PTPRG: variants seen among roughly 807,000 people sequenced by gnomAD.
PTPRG encodes the protein protein tyrosine phosphatase receptor type G.
Under a neutral mutation model 165.3 loss-of-function variants are expected in PTPRG, and 102 were observed. The observed-to-expected ratio is 0.62, with a 90% CI of 0.53 to 0.73. The LOEUF is 0.73. Among genes scored for constraint, PTPRG ranks in the 30% least tolerant of loss-of-function variants. The pLI is 0.00. For missense variants in PTPRG, 1,866 were observed against 1,861.4 expected (o/e 1.00, Z -0.05); for synonymous variants, 675 against 669.5 (o/e 1.01, Z -0.13).
intron 2 of PTPRG, among the ~76,000 whole-genome samples, chr3:61,954,937 T>A (rs2039998020): frequency 6.6e-6 from 1 of 152,212 alleles, no homozygotes; most frequent in Non-Finnish European, 1.5e-5. Flanking sequence ...CAACATGTCC[T>A]GAGCAAGATG....
chr3:61,575,433 A>G (rs1211584077), intron 1 of PTPRG, among the ~76,000 whole-genome samples: 2 of 152,104 alleles, frequency 1.3e-5, no homozygotes, highest in East Asian at 3.9e-4. Flanking sequence ...CAGGTACCAG[A>G]GTGAATCCTA....
chr3:61,994,599 A>G (rs541040859), intron 3 of PTPRG, among the ~76,000 whole-genome samples: 3 of 152,340 alleles, frequency 2.0e-5, no homozygotes, highest in African/African-American at 7.2e-5. Context: ...CTGAGCCCAT[A>G]AAAGTAAGGC....
intron 27 of PTPRG, among the ~76,000 whole-genome samples, chr3:62,282,149 A>G (rs1040464185): frequency 6.6e-6 from 1 of 152,036 alleles, no homozygotes; most frequent in East Asian, 1.9e-4. Context: ...AATTTTATAA[A>G]TAAGAAAATA....
intron 28 of PTPRG, among the ~76,000 whole-genome samples, chr3:62,289,176 A>T (rs1359297591): frequency 6.6e-6 from 1 of 152,072 alleles, no homozygotes; most frequent in Non-Finnish European, 1.5e-5. Flanking sequence ...ATTCAACCTC[A>T]GAATGTGCCT....
At chr3:61,683,754 T>C (rs1452632738) in intron 1 of PTPRG, among the ~76,000 whole-genome samples, 5 of 152,204 alleles carry the variant, frequency 3.3e-5, no homozygotes, top group African/African-American at 4.8e-5. Context: ...TTGAAAAACA[T>C]TGGTGAAAGA....
At chr3:61,965,487 C>CCA (rs2040250624) in intron 2 of PTPRG, among the ~76,000 whole-genome samples, 1 of 80,204 alleles carries the variant, frequency 1.2e-5, no homozygotes, top group African/African-American at 4.8e-5. Flanking sequence ...GACTCCGTCT[C>CCA]AAAAAAAAAA....
chr3:62,003,987 G>T (rs921781949), intron 4 of PTPRG, among the ~76,000 whole-genome samples: 9 of 152,224 alleles, frequency 5.9e-5, no homozygotes, highest in African/African-American at 2.2e-4. Context: ...ATTTTGTTAG[G>T]ATTGATGGTG....
At chr3:62,004,712 C>T (rs1443947986) in intron 4 of PTPRG, among the ~76,000 whole-genome samples, 1 of 152,204 alleles carries the variant, frequency 6.6e-6, no homozygotes, top group African/African-American at 2.4e-5. Context: ...CCTGGTGTTT[C>T]AGTAACAGTT....
chr3:61,902,305 T>G (rs1269525188), intron 2 of PTPRG, among the ~76,000 whole-genome samples: 2 of 152,200 alleles, frequency 1.3e-5, no homozygotes, highest in African/African-American at 2.4e-5. Context: ...TGAGAGCTAC[T>G]TTCCATTGTA....
chr3:61,621,051 A>ATATATATATATGTGTGTG, intron 1 of PTPRG, among the ~76,000 whole-genome samples: 5 of 117,990 alleles, frequency 4.2e-5, no homozygotes, highest in African/African-American at 8.9e-5. Flanking sequence ...ATATATATAT[A>ATATATATATATGTGTGTG]TGTGTGTGTG....
chr3:61,944,007 G>T (rs2039694157), intron 2 of PTPRG, among the ~76,000 whole-genome samples: 1 of 152,050 alleles, frequency 6.6e-6, no homozygotes, highest in African/African-American at 2.4e-5. Flanking sequence ...TATTGAGCAG[G>T]TGCTATATGC....
chr3:62,166,372 C>T (rs896801540), intron 7 of PTPRG, among the ~76,000 whole-genome samples: 23 of 150,940 alleles, frequency 1.5e-4, no homozygotes, highest in African/African-American at 4.9e-4. Flanking sequence ...AGTCTCATTC[C>T]ATCACCCAGG....
At chr3:62,122,629 A>T (rs896987872) in intron 5 of PTPRG, among the ~76,000 whole-genome samples, 1 of 152,196 alleles carries the variant, frequency 6.6e-6, no homozygotes, top group African/African-American at 2.4e-5. Flanking sequence ...TTGGTTTTCT[A>T]TGTTTGTTTA....
intron 2 of PTPRG, among the ~76,000 whole-genome samples, chr3:61,803,577 G>A (rs936923118): frequency 2.2e-5 from 3 of 137,644 alleles, no homozygotes; most frequent in Non-Finnish European, 4.6e-5. Flanking sequence ...TTATGTTCAC[G>A]TTTTACTGCA....
chr3:61,975,570 A>G (rs768109343), intron 2 of PTPRG, among the ~76,000 whole-genome samples: 5 of 152,186 alleles, frequency 3.3e-5, no homozygotes, highest in Non-Finnish European at 7.3e-5. Flanking sequence ...ATCCATGACC[A>G]TTGTCAGTGA....
chr3:61,995,682 GCCTTCCTTCCTTCCTTCCTTCCTTCCTT>G (rs781558844), intron 3 of PTPRG, among the ~76,000 whole-genome samples: 3 of 72,800 alleles, frequency 4.1e-5, no homozygotes, highest in East Asian at 4.1e-4. Context: ...CTGCCCGCCC[GCCTTCCTTCCTTCCTTCCTTCCTTCCTT>G]CCTTCCTTCC....
In PTPRG at chr3:61,676,471, A is replaced by AAAAAAAAAAG. The variant is rs369505317; in HGVS notation, c.86-72404_86-72403insAAAAAAGAAA. On this transcript the variant is annotated intron_variant, in intron 1 of 29. Transcript: ENST00000474889. ...GACTCCATCTCAAAAAAAAAAAAAAAAAAGAAAATTACTAAAGTCTGTGAA... is the reference window on the plus strand; with the variant it reads ...GACTCCATCTCAAAAAAAAAAAAAAAAAAAAAAAAGAAAGAAAATTACTAAAGTCTGTGAA... Among the ~76,000 whole-genome samples, 1,277 of 97,048 alleles carry AAAAAAAAAAG rather than the reference A, an allele frequency of 0.013. 143 individuals carry two copies. In the East Asian group the frequency reaches 0.14, roughly 11 times the overall value. 63.7% of individuals were successfully genotyped at this position (97,048 alleles called of 152,430 possible).
chr3:62,176,341 A>G (rs1237924287), intron 8 of PTPRG, among the ~76,000 whole-genome samples: 1 of 152,116 alleles, frequency 6.6e-6, no homozygotes, highest in Non-Finnish European at 1.5e-5. Context: ...CAGAGAGGGT[A>G]AGTGAATCAT....
chr3:62,234,203 A>G (rs1700972131), intron 14 of PTPRG, among the ~76,000 whole-genome samples: 1 of 152,212 alleles, frequency 6.6e-6, no homozygotes, highest in African/African-American at 2.4e-5. Context: ...TCCTTTGTAT[A>G]GAAGTGTCAT....
Sources: gnomAD v4.1 joint callset for allele counts (sites outside exome capture counted in the v4.1 genomes callset) on GRCh38, gnomAD v4.1.1 for gene constraint, MANE v1.5 for transcripts, NCBI Gene and HGNC (gene_info 2026-07-23, HGNC 2026-07-21) for gene names.